Variants in SPON2 observed in about 807,000 individuals in gnomAD.
The protein encoded by SPON2 is spondin 2.
A neutral mutation model predicts 29.9 loss-of-function variants in SPON2; 32 were observed. That is an observed-to-expected ratio of 1.07 (90% confidence interval 0.81 to 1.44). The LOEUF (loss-of-function observed/expected upper bound fraction) is 1.44. Ranked by LOEUF, SPON2 falls within the 40% of genes most tolerant of loss-of-function variation. The pLI is 0.00. For missense variants in SPON2, 541 were observed against 455.5 expected (o/e 1.19, Z -1.71); for synonymous variants, 248 against 209.1 (o/e 1.19, Z -1.61).
At chr4:1,170,762 G>C in intron 4 of SPON2, 186 bp from the exon 5 acceptor site, 5 of 990,450 alleles carry the variant, frequency 5.0e-6, no homozygotes, top group Non-Finnish European at 1.6e-6. Flanking sequence ...CCAGGAAGGG[G>C]CAGCCTCCTC....
chr4:1,201,422 A>G, intron 1 of SPON2: 1 of 260,576 alleles, frequency 3.8e-6, no homozygotes, highest in Non-Finnish European at 7.8e-6. Context: ...CATCTGTGCT[A>G]TCAGGAACAG....
At position 1,182,680 on chromosome 4, in the gene SPON2, T is replaced by A. The variant is rs563592052; in HGVS notation, c.-238-3139A>T. Among the ~76,000 whole-genome samples, 6 of 152,222 alleles carry A rather than the reference T, an allele frequency of 3.9e-5. No homozygotes were observed. The East Asian group carries it at 1.2e-3, about 29-fold the overall frequency. Reference sequence around the variant, plus strand: ...AGGAGAACATTTGAAGAAATAATAGTTTAAAATTTTCCAAATCTGATGAAA... The same window carrying A: ...AGGAGAACATTTGAAGAAATAATAGATTAAAATTTTCCAAATCTGATGAAA... On this transcript the variant is annotated intron_variant, in intron 1 of 3. Coordinates refer to the SPON2 transcript ENST00000502483.
intron 1 of SPON2, among the ~76,000 whole-genome samples, chr4:1,186,015 CG>C (rs1328417683): frequency 6.6e-6 from 1 of 150,964 alleles, no homozygotes; most frequent in Non-Finnish European, 1.5e-5. Context: ...GAGGCCGAGG[CG>C]GGCGGATCAC....
intron 5 of SPON2, among the ~76,000 whole-genome samples, chr4:1,169,300 A>G (rs73067771): frequency 0.021 from 3,130 of 152,098 alleles, 123 homozygotes; most frequent in African/African-American, 0.071. Flanking sequence ...CTGTTGGGTA[A>G]GTGGCTCGGG....
At chr4:1,192,450 G>A (rs535555500) in intron 1 of SPON2, among the ~76,000 whole-genome samples, 5 of 152,296 alleles carry the variant, frequency 3.3e-5, no homozygotes, top group Admixed American at 1.3e-4. Flanking sequence ...CTCTTGACAC[G>A]ATGGTAAAGC....
At chr4:1,175,182 G>A (rs1175380383), upstream of SPON2, among the ~76,000 whole-genome samples, 1 of 152,260 alleles carries the variant, frequency 6.6e-6, no homozygotes, top group Admixed American at 6.5e-5. Context: ...AGGAGCACAG[G>A]CTCCATGGCA....
chr4:1,175,232 C>T (rs900635588), upstream of SPON2, among the ~76,000 whole-genome samples: 2 of 152,350 alleles, frequency 1.3e-5, no homozygotes, highest in Middle Eastern at 3.4e-3. Context: ...AAGGAGGCGC[C>T]GGGTCTGGGG....
chr4:1,190,932 A>G (rs1230223042), intron 1 of SPON2, among the ~76,000 whole-genome samples: 4 of 152,240 alleles, frequency 2.6e-5, no homozygotes, highest in Non-Finnish European at 5.9e-5. Context: ...ACTACAAAAC[A>G]TCATTAGAAG....
rs142102665 is a variant in SPON2 at position 1,202,224 on chromosome 4, G to A, written c.-234+5656C>T. On this transcript the variant is annotated intron_variant, in intron 1 of 3. Coordinates refer to the SPON2 transcript ENST00000509233. This position sits in a 1 kb window ranked among gnomAD's most constrained non-coding sequence, Gnocchi z 5.4. Reference sequence around the variant, plus strand: ...TCCTCTTCCACGATGGCCCTTGCACGTCGCATCCTCACCGGCTGGAGGGTG... The same window carrying A: ...TCCTCTTCCACGATGGCCCTTGCACATCGCATCCTCACCGGCTGGAGGGTG... 4.6e-5 allele frequency among the ~76,000 whole-genome samples: 7 copies of A among 152,300 alleles called. No individual in the cohort carries two copies. The highest frequency in any genetic ancestry group is 1.3e-4 in the Admixed American group (2 of 15,298).
chr4:1,171,231 CG>C (rs1727431030), intron 3 of SPON2, 31 bp downstream of exon 3: 1 of 1,432,932 alleles, frequency 7.0e-7, no homozygotes, highest in African/African-American at 1.5e-5. Context: ...CCCGGCCCCC[CG>C]GACCCCGCCC....
At chr4:1,194,021 G>T (rs1008299396) in intron 1 of SPON2, among the ~76,000 whole-genome samples, 5 of 151,972 alleles carry the variant, frequency 3.3e-5, no homozygotes, top group Non-Finnish European at 5.9e-5. Context: ...ACCCAGGGGG[G>T]TGCCCTGTGG....
Position 1,172,015 on chromosome 4 carries a change from CAGG to C in SPON2, c.54_56del (p.Leu19del), listed in dbSNP as rs761961979. On this transcript the variant is annotated inframe_deletion, in exon 2 of 6. Transcript: ENST00000290902. ...GCTGGCCGGCGGCGCCGAGAGTGGC[CAGG>C]AGGAGAGCGCAGAGGGCCTTGCCCA... 109 of 1,612,628 alleles carry C rather than the reference CAGG, an allele frequency of 6.8e-5. No homozygotes were observed. Among genetic ancestry groups the C allele is most frequent in the Middle Eastern group, 1.7e-4 (1 of 6,042 alleles).
intron 1 of SPON2, among the ~76,000 whole-genome samples, chr4:1,188,797 G>A (rs540886961): frequency 7.6e-4 from 116 of 152,240 alleles, no homozygotes; most frequent in Non-Finnish European, 1.4e-3. Context: ...TCAAAAGTCA[G>A]TAGAAGACGT....
upstream of SPON2, chr4:1,172,889 CCCTCCCCTCCTCCCCTCCCCT>C (rs1727507316): frequency 3.4e-4 from 2 of 5,814 alleles, no homozygotes; most frequent in Non-Finnish European, 8.8e-4. Flanking sequence ...CCTTCCCCTC[CCCTCCCCTCCTCCCCTCCCCT>C]CCTCCCCTCC....
intron 1 of SPON2, among the ~76,000 whole-genome samples, chr4:1,192,933 C>T (rs1337604097): frequency 6.6e-6 from 1 of 152,210 alleles, no homozygotes; most frequent in African/African-American, 2.4e-5. Flanking sequence ...ATGTCCACTG[C>T]AGCAGCTGCT....
intron 1 of SPON2, among the ~76,000 whole-genome samples, chr4:1,193,430 C>A (rs1015516937): frequency 1.3e-5 from 2 of 151,708 alleles, no homozygotes; most frequent in African/African-American, 2.4e-5. Context: ...CAGTGGGCCC[C>A]ACCCTGGGGC....
chr4:1,170,586 A>G lies in SPON2; in HGVS notation c.637-10T>C. On this transcript the variant is annotated splice_polypyrimidine_tract_variant and intron_variant, in intron 4 of 5. Coordinates refer to ENST00000290902, the MANE Select transcript of SPON2 (RefSeq NM_012445.4). Reference sequence around the variant, plus strand: ...GAGAGGAGGACGTTATCTGGGGAGGAAGAAGAGGAGGTTGGCCTGGGGTCC... The same window carrying G: ...GAGAGGAGGACGTTATCTGGGGAGGGAGAAGAGGAGGTTGGCCTGGGGTCC... 1 of 1,602,090 alleles carries G rather than the reference A, an allele frequency of 6.2e-7. No homozygotes were observed. Among genetic ancestry groups the G allele is most frequent in the South Asian group, 1.1e-5 (1 of 90,564 alleles).
In SPON2 at chr4:1,171,275, G is replaced by T; in HGVS notation, c.432C>A (p.Arg144=). ...GCCCCGCGCTCACCAGCGAGTGCCT[G>T]CGCTGCACCTCCAGCTCCGCCGACG... ...GQTSAELEVQ[R]RHSLVSFVVR... The change falls in exon 3 of 6, where the codon CGC becomes CGA. Residue 144 remains arginine (R), a synonymous_variant. Coordinates refer to ENST00000290902, the MANE Select transcript of SPON2 (RefSeq NM_012445.4). 6.5e-7 allele frequency: 1 copy of T among 1,540,852 alleles called. No individual in the cohort carries two copies. The highest frequency in any genetic ancestry group is 1.9e-5 in the Admixed American group (1 of 52,812).
intron 1 of SPON2, among the ~76,000 whole-genome samples, chr4:1,206,707 G>A (rs574965204): frequency 1.7e-3 from 263 of 152,280 alleles, no homozygotes; most frequent in Non-Finnish European, 3.0e-3. Flanking sequence ...GTAGGGAAGC[G>A]GCCTTGCCCT....
Sources: allele counts gnomAD v4.1 joint callset (sites outside exome capture counted in the v4.1 genomes callset), GRCh38; gene constraint gnomAD v4.1.1; non-coding constraint Gnocchi (gnomAD v3.1); transcripts MANE v1.5; gene names NCBI Gene and HGNC (gene_info 2026-07-23, HGNC 2026-07-21).